The following DNAH2 variants were observed in gnomAD, a reference collection of about 807,000 sequenced individuals.
DNAH2 encodes the protein axonemal beta dynein heavy chain 2.
DNAH2 carries 323 observed loss-of-function variants against 523.5 expected under a neutral mutation model. The ratio of observed to expected loss-of-function variants is 0.62; its 90% CI spans 0.56 to 0.68. DNAH2 has a LOEUF of 0.68. Ranked by LOEUF, DNAH2 falls within the 30% of genes least tolerant of loss-of-function variation. The pLI is 0.00. For missense variants in DNAH2, 4,907 were observed against 5,701.5 expected (o/e 0.86, Z 4.49); for synonymous variants, 2,093 against 2,177.4 (o/e 0.96, Z 1.08).
rs375005295 is a variant in DNAH2 at position 7,780,142 on chromosome 17, G to A, written c.5723-15G>A. The A allele has an allele frequency of 3.1e-5, 49 of 1,601,794 alleles. No homozygotes were observed. Among genetic ancestry groups the A allele is most frequent in the Non-Finnish European group, 4.0e-5 (47 of 1,175,136 alleles). ...AGGAAATATATGATTCTAAGCAAGT[G>A]GCATTGTTTTCCAGGCTATGCTGGC... On this transcript the variant is annotated splice_polypyrimidine_tract_variant and intron_variant, in intron 36 of 85. Coordinates refer to ENST00000572933, the MANE Select transcript of DNAH2 (RefSeq NM_020877.5). This position sits in a 1 kb window ranked among gnomAD's most constrained non-coding sequence, Gnocchi z 4.4.
At chr17:7,805,177 A>C (rs2077335598) in intron 60 of DNAH2, 75 bp from the exon 61 acceptor site, 2 of 1,597,584 alleles carry the variant, frequency 1.3e-6, no homozygotes, top group African/African-American at 2.7e-5. Flanking sequence ...AAGTGGGAAG[A>C]AGAGGTGGCA....
intron 5 of DNAH2, among the ~76,000 whole-genome samples, chr17:7,733,531 G>C (rs1213314382): frequency 2.8e-5 from 4 of 144,900 alleles, no homozygotes; most frequent in African/African-American, 1.0e-4. Context: ...AGGCTGGAGT[G>C]CAATGGCGCG....
intron 49 of DNAH2, among the ~76,000 whole-genome samples, chr17:7,796,044 GA>G (rs2077052523): frequency 8.4e-6 from 1 of 119,148 alleles, no homozygotes; most frequent in African/African-American, 2.9e-5. Context: ...CTGAGTTTAG[GA>G]TTTTTTTTTT....
At chr17:7,773,591 C>A (rs1407247973) in intron 28 of DNAH2, among the ~76,000 whole-genome samples, 1 of 152,170 alleles carries the variant, frequency 6.6e-6, no homozygotes, top group Non-Finnish European at 1.5e-5. Context: ...CCCATAAATT[C>A]AATGCTCTTT....
chr17:7,777,755 C>A, intron 33 of DNAH2, 121 bp downstream of exon 33: 1 of 1,261,148 alleles, frequency 7.9e-7, no homozygotes. Flanking sequence ...TCCCACTACC[C>A]TAATCCGGTT....
intron 12 of DNAH2, chr17:7,743,658 T>C (rs2075427702): frequency 6.1e-6 from 2 of 328,824 alleles, no homozygotes; most frequent in Non-Finnish European, 5.5e-6. Context: ...AGAGTGACCC[T>C]GCCTCAAAAA....
In DNAH2 at chr17:7,792,764, T is replaced by G. The variant is rs117995885; in HGVS notation, c.7253T>G (p.Val2418Gly). Residue 2418 changes from valine (V) to glycine (G), a missense_variant, in exon 47 of 86, where the codon GTG becomes GGG. Around this residue, in one of 3 missense-constraint regions of DNAH2, gnomAD observed 2,806 missense variants for 3,190.8 expected, o/e 0.88. Coordinates refer to ENST00000572933, the MANE Select transcript of DNAH2 (RefSeq NM_020877.5). Reference sequence around the variant, plus strand: ...AATCCCATTCTGCTGGTGGGTCCCGTGGGGACTGGGAAGACCTCCATCGCC... The same window carrying G: ...AATCCCATTCTGCTGGTGGGTCCCGGGGGGACTGGGAAGACCTCCATCGCC... ...NQNPILLVGP[V>G]GTGKTSIAQS... 2 of 1,614,050 alleles carry G rather than the reference T, an allele frequency of 1.2e-6. No homozygotes were observed. Among genetic ancestry groups the G allele is most frequent in the African/African-American group, 2.7e-5 (2 of 74,910 alleles).
At chr17:7,741,286 C>CTT (rs1491328356) in intron 11 of DNAH2, among the ~76,000 whole-genome samples, 1 of 62,356 alleles carries the variant, frequency 1.6e-5, no homozygotes, top group Non-Finnish European at 2.8e-5. Context: ...TTCTTTCTTT[C>CTT]TTTCTTTCTT....
At chr17:7,804,577 G>A in intron 59 of DNAH2, 111 bp downstream of exon 59, 1 of 1,250,624 alleles carries the variant, frequency 8.0e-7, no homozygotes, top group Non-Finnish European at 1.1e-6. Flanking sequence ...TGGGTGCAGT[G>A]GCTCACGCCT....
At chr17:7,789,359 C>T (rs959289992) in intron 44 of DNAH2, among the ~76,000 whole-genome samples, 6 of 152,012 alleles carry the variant, frequency 3.9e-5, no homozygotes, top group Non-Finnish European at 8.8e-5. Context: ...CCTGGCAGGG[C>T]GGGCCGAGCT....
chr17:7,721,091 C>T (rs2074590550), intron 2 of DNAH2, among the ~76,000 whole-genome samples: 2 of 151,028 alleles, frequency 1.3e-5, no homozygotes, highest in African/African-American at 4.9e-5. Context: ...TCACTGCAAC[C>T]TCTGCCTCCC....
Position 7,805,361 on chromosome 17 carries a change from A to G in DNAH2, c.9410A>G (p.Glu3137Gly). ...GCAGTTATGATTCTTCGAGGCAACG[A>G]GCCCACATGGGCAGAGGCCAAGAGG... ...MQAVMILRGN[E>G]PTWAEAKRQL... The change falls in exon 61 of 86, where the codon GAG (glutamate) becomes GGG (glycine). Residue 3137 changes from glutamate to glycine, a missense_variant. Physicochemically the swap from Glu to Gly is moderately conservative, Grantham distance 98 (BLOSUM62 -2). Around this residue, in one of 3 missense-constraint regions of DNAH2, gnomAD observed 1,851 missense variants for 2,139.4 expected, o/e 0.87. Coordinates refer to ENST00000572933, the MANE Select transcript of DNAH2 (RefSeq NM_020877.5). 1.2e-6 allele frequency: 2 copies of G among 1,614,278 alleles called. No individual in the cohort carries two copies. The highest frequency in any genetic ancestry group is 1.7e-6 in the Non-Finnish European group (2 of 1,180,050).
chr17:7,805,213 G>T (rs561301869), intron 60 of DNAH2, 39 bp from the exon 61 acceptor site: 1 of 1,609,160 alleles, frequency 6.2e-7, no homozygotes. Context: ...GTCTCCAGAA[G>T]GTCCTGTCTT....
intron 51 of DNAH2, 27 bp from the exon 52 acceptor site, chr17:7,797,373 G>T (rs777149874): frequency 6.2e-7 from 1 of 1,613,822 alleles, no homozygotes. Context: ...TTTATTCCCC[G>T]ATCTCACCCC....
rs772720818 is a variant in DNAH2, at chr17:7,787,006, C to T, written c.6576C>T (p.Asn2192=). The T allele has an allele frequency of 4.0e-5, 64 of 1,614,058 alleles. No homozygotes were observed. In the Middle Eastern group the frequency reaches 4.9e-4, roughly 12 times the overall value. ...ATAACAAGGTGTTGACCCTCATCAA[C>T]GGCGAGCGCATCGCGATGCCCGAGC... ...MDDNKVLTLI[N]GERIAMPEQV... is the part of the protein sequence containing the mutation. Residue 2192 remains asparagine (N), a synonymous_variant, in exon 42 of 86, where the codon AAC becomes AAT. Transcript: ENST00000572933.
intron 63 of DNAH2, 150 bp from the exon 64 acceptor site, chr17:7,816,421 T>G: frequency 1.1e-6 from 1 of 870,734 alleles, no homozygotes; most frequent in Non-Finnish European, 1.8e-6. Context: ...AGGGTAGGTA[T>G]TCTTTTACAA....
intron 68 of DNAH2, 85 bp downstream of exon 68, chr17:7,818,181 C>G (rs2077738072): frequency 4.4e-6 from 7 of 1,597,272 alleles, no homozygotes; most frequent in Non-Finnish European, 5.1e-6. Context: ...TCTTACCTGT[C>G]CCTCCATTCA....
intron 27 of DNAH2, 145 bp downstream of exon 27, chr17:7,771,078 T>C: frequency 9.7e-7 from 1 of 1,026,940 alleles, no homozygotes; most frequent in East Asian, 2.6e-5. Flanking sequence ...GATTCTTAGT[T>C]ATTACCTCTC....
At chr17:7,775,709 A>G (rs1168136323) in intron 30 of DNAH2, among the ~76,000 whole-genome samples, 1 of 151,332 alleles carries the variant, frequency 6.6e-6, no homozygotes, top group Non-Finnish European at 1.5e-5. Context: ...AAAAAAGAAA[A>G]AAAAAAAAAA....
Sources: gnomAD v4.1 joint callset for allele counts (sites outside exome capture counted in the v4.1 genomes callset) on GRCh38, gnomAD v4.1.1 for gene constraint, gnomAD v4.1.1 regional missense constraint, Gnocchi (gnomAD v3.1) non-coding constraint, MANE v1.5 for transcripts, NCBI Gene and HGNC (gene_info 2026-07-23, HGNC 2026-07-21) for gene names.